The following TRAP1 variants were observed in gnomAD, a reference collection of about 807,000 sequenced individuals.
The protein encoded by TRAP1 is TNF receptor associated protein 1, also known as heat shock protein 75 kDa, mitochondrial.
In TRAP1, 102 loss-of-function variants were observed where a neutral mutation model predicts 89.1. The observed-to-expected ratio is 1.15, with a 90% CI of 0.98 to 1.35. The LOEUF is 1.35. Among genes scored for constraint, TRAP1 ranks in the 40% most tolerant of loss-of-function variants. TRAP1 has a pLI of 0.00. For synonymous variants in TRAP1, 508 were observed against 388.0 expected, an observed-to-expected ratio of 1.31 and a Z score of -3.64; for missense variants, 1,256 against 945.3, an observed-to-expected ratio of 1.33 and a Z score of -4.31.
rs763843509 is a variant in TRAP1, at chr16:3,674,452, G to T, written c.931C>A (p.His311Asn). 2 of 1,614,094 alleles carry T rather than the reference G, an allele frequency of 1.2e-6. No individual in the cohort carries two copies. Among genetic ancestry groups the T allele is most frequent in the South Asian group, 2.2e-5 (2 of 91,084 alleles). ...MDPKDVREWQHEEFYRYVAQA... is the reference protein window; with the variant it reads ...MDPKDVREWQNEEFYRYVAQA... ...GCGACGTAGCGGTAGAACTCCTCAT[G>T]TTGCCACTCACGGACATCCTTGGGG... is the stretch of plus-strand genomic sequence containing the variant. The change falls in exon 9 of 18, where the codon CAT (histidine) becomes AAT (asparagine). Residue 311 changes from histidine to asparagine, a missense_variant. Physicochemically the swap from His to Asn is moderately conservative, Grantham distance 68 (BLOSUM62 1). Transcript: ENST00000246957.
At chr16:3,717,317 C>G (rs530269445) in intron 1 of TRAP1, 104 bp downstream of exon 1, 1 of 407,884 alleles carries the variant, frequency 2.5e-6, no homozygotes, top group African/African-American at 2.1e-5. Flanking sequence ...ACCTCCCACG[C>G]CTGTGAAGCA....
intron 1 of TRAP1, among the ~76,000 whole-genome samples, chr16:3,713,404 T>C (rs957036930): frequency 6.6e-6 from 1 of 152,190 alleles, no homozygotes; most frequent in African/African-American, 2.4e-5. Context: ...ACTTGAGCCC[T>C]GAGCAAAGTG....
chr16:3,683,740 C>T (rs571844498), intron 4 of TRAP1, among the ~76,000 whole-genome samples: 1 of 149,530 alleles, frequency 6.7e-6, no homozygotes, highest in Non-Finnish European at 1.5e-5. Flanking sequence ...CAACGCTGTA[C>T]TATCTTTAAA....
At chr16:3,678,480 T>A (rs1333366765) in intron 5 of TRAP1, 1 of 151,676 alleles carries the variant, frequency 6.6e-6, no homozygotes, top group Non-Finnish European at 1.5e-5. Flanking sequence ...GTTGTTGTTT[T>A]TGAGATGGAG....
chr16:3,658,339 A>G, intron 17 of TRAP1, 109 bp from the exon 18 acceptor site: 1 of 874,340 alleles, frequency 1.1e-6, no homozygotes, highest in East Asian at 2.6e-5. Flanking sequence ...CAGAGGCACG[A>G]TCTCGGCTCA....
chr16:3,666,137 T>G lies in TRAP1; in HGVS notation c.1236-19A>C, dbSNP rs1016373522. 2.5e-6 allele frequency: 4 copies of G among 1,606,764 alleles called. No homozygotes were observed. Among genetic ancestry groups the G allele is most frequent in the Non-Finnish European group, 3.4e-6 (4 of 1,177,392 alleles). ...GAGTTTCCTACAGAAAAGAAATGCA[T>G]TTAATACATACAAGCAGCCTCTATG... is the stretch of plus-strand genomic sequence containing the variant. On this transcript the variant is annotated intron_variant, in intron 11 of 17. Transcript: ENST00000246957.
chr16:3,686,031 G>GC lies in TRAP1; in HGVS notation c.435dup (p.Gln146AlafsTer47), dbSNP rs1567235513. The GC allele has an allele frequency of 6.2e-7, 1 of 1,614,086 alleles. No individual in the cohort carries two copies. The highest frequency in any genetic ancestry group is 8.5e-7 in the Non-Finnish European group (1 of 1,179,992). On this transcript the variant is annotated frameshift_variant, in exon 4 of 18. Coordinates refer to ENST00000246957, the MANE Select transcript of TRAP1 (RefSeq NM_016292.3). LOFTEE classifies it high-confidence loss of function. ...ATGGTGCCTTTCTCGGCATTGGTCT[G>GC]CAAGTGAATCTCCATTTCTGGCAGT...
At chr16:3,694,026 G>T (rs1434496383) in intron 1 of TRAP1, among the ~76,000 whole-genome samples, 1 of 148,528 alleles carries the variant, frequency 6.7e-6, no homozygotes, top group East Asian at 2.0e-4. Context: ...AAGGTCCCAG[G>T]TTCTGGGCAG....
chr16:3,663,043 C>A, intron 14 of TRAP1, 76 bp from the exon 15 acceptor site: 1 of 1,165,818 alleles, frequency 8.6e-7, no homozygotes, highest in Non-Finnish European at 1.2e-6. Flanking sequence ...ACGCAGCATG[C>A]TTCCAGCTCC....
chr16:3,689,977 A>G (rs1415485498), intron 2 of TRAP1, among the ~76,000 whole-genome samples: 1 of 152,130 alleles, frequency 6.6e-6, no homozygotes, highest in Non-Finnish European at 1.5e-5. Flanking sequence ...GGTTACGAGA[A>G]CTGGACTGCC....
chr16:3,670,054 G>C (rs901350742), intron 11 of TRAP1, among the ~76,000 whole-genome samples: 3 of 151,842 alleles, frequency 2.0e-5, no homozygotes, highest in Non-Finnish European at 2.9e-5. Flanking sequence ...TAGAAAAAAG[G>C]AAACAGTATA....
chr16:3,677,836 G>C, intron 5 of TRAP1, 178 bp from the exon 6 acceptor site: 1 of 680,398 alleles, frequency 1.5e-6, no homozygotes. Flanking sequence ...TGACACATTA[G>C]CCCTAGGACA....
intron 3 of TRAP1, 108 bp from the exon 4 acceptor site, chr16:3,686,244 C>G (rs2051137243): frequency 7.6e-7 from 1 of 1,312,454 alleles, no homozygotes; most frequent in Non-Finnish European, 1.1e-6. Context: ...GGAGAATAGT[C>G]AATTCTCAAA....
At chr16:3,699,224 T>C (rs8055172) in intron 1 of TRAP1, among the ~76,000 whole-genome samples, 33,900 of 152,108 alleles carry the variant, frequency 0.22, 3,812 homozygotes, top group South Asian at 0.3. Context: ...CCCATCCGAG[T>C]TGCTGCAGGG....
At chr16:3,684,286 C>T (rs930103250) in intron 4 of TRAP1, among the ~76,000 whole-genome samples, 7 of 152,134 alleles carry the variant, frequency 4.6e-5, no homozygotes, top group Admixed American at 1.3e-4. Context: ...AAGATTCTTA[C>T]AATGAAGTGT....
rs2051016835 is a variant in TRAP1 at position 3,677,613 on chromosome 16, T to C, written c.589A>G (p.Ile197Val). The C allele has an allele frequency of 1.9e-6, 3 of 1,613,958 alleles. No homozygotes were observed. Among genetic ancestry groups the C allele is most frequent in the Non-Finnish European group, 2.5e-6 (3 of 1,180,002 alleles). ...LQNQAEASSK[I>V]IGQFGVGFYS... ...AAACCCACTCCAAACTGGCCGATGA[T>C]CTTGCTGCTGGCCTCAGCCTGGTTC... The change falls in exon 6 of 18, where the codon ATC becomes GTC. Residue 197 changes from isoleucine (I) to valine (V), a missense_variant. Transcript: ENST00000246957.
intron 1 of TRAP1, among the ~76,000 whole-genome samples, chr16:3,707,809 G>A (rs563399038): frequency 4.7e-4 from 71 of 149,800 alleles, no homozygotes; most frequent in African/African-American, 1.5e-3. Context: ...AGCCAAGATC[G>A]TGCCACTGCA....
At chr16:3,686,223 TA>T in intron 3 of TRAP1, 87 bp from the exon 4 acceptor site, 1 of 1,463,296 alleles carries the variant, frequency 6.8e-7, no homozygotes, top group Non-Finnish European at 9.4e-7. Context: ...CAATAACTGT[TA>T]AAAGGTAGAG....
rs1291884759 is a variant in TRAP1, at chr16:3,664,456, C to T, written c.1387G>A (p.Asp463Asn). 3.1e-6 allele frequency: 5 copies of T among 1,609,588 alleles called. No individual in the cohort carries two copies. The East Asian group carries it at 8.9e-5, about 29-fold the overall frequency. ...TCGTAGCGCAGCAGCTTTGCTATGT[C>T]CTCCTAGAAGGGACGGGGCAGGTCA... ...VTATEQEVKE[D>N]IAKLLRYESS... Residue 463 changes from aspartate (D) to asparagine (N), a missense_variant, in exon 13 of 18, where the codon GAC becomes AAC. By Grantham distance (23) the Asp-to-Asn change is conservative. Coordinates refer to ENST00000246957, the MANE Select transcript of TRAP1 (RefSeq NM_016292.3).
Sources: gnomAD v4.1 joint callset for allele counts (sites outside exome capture counted in the v4.1 genomes callset) on GRCh38, gnomAD v4.1.1 for gene constraint, MANE v1.5 for transcripts, NCBI Gene and HGNC (gene_info 2026-07-23, HGNC 2026-07-21) for gene names.